CCDC83: variants seen among roughly 807,000 people sequenced by gnomAD.
CCDC83 encodes the protein coiled-coil domain containing 83, also known as coiled-coil domain-containing protein 83.
CCDC83 carries 54 observed loss-of-function variants against 50.1 expected under a neutral mutation model. The ratio of observed to expected loss-of-function variants is 1.08; its 90% CI spans 0.87 to 1.35. The LOEUF (loss-of-function observed/expected upper bound fraction) is 1.35. CCDC83 is among the 40% of genes most tolerant of loss of function. The pLI, the probability that CCDC83 is intolerant of heterozygous loss-of-function variation, is 0.00. For missense variants in CCDC83, 518 were observed against 473.9 expected, an observed-to-expected ratio of 1.09 and a Z score of -0.86; for synonymous variants, 161 against 153.3, an observed-to-expected ratio of 1.05 and a Z score of -0.37.
At chr11:85,909,646 G>A (rs1206956833) in intron 7 of CCDC83, among the ~76,000 whole-genome samples, 5 of 79,076 alleles carry the variant, frequency 6.3e-5, no homozygotes, top group Non-Finnish European at 1.0e-4. Context: ...TTTTTGAGAC[G>A]GAGTCTCGCT....
chr11:85,862,659 T>A (rs11234451), intron 1 of CCDC83, among the ~76,000 whole-genome samples: 39,643 of 152,062 alleles, frequency 0.26, 5,455 homozygotes, highest in African/African-American at 0.28. Flanking sequence ...AGATAATTGC[T>A]TTTACTTTGT....
At chr11:85,885,937 G>A (rs1256512328) in intron 4 of CCDC83, among the ~76,000 whole-genome samples, 1 of 152,140 alleles carries the variant, frequency 6.6e-6, no homozygotes, top group African/African-American at 2.4e-5. Flanking sequence ...CTAGGCATAT[G>A]GGTTGTCTAT....
rs1003507195 is a variant in CCDC83 at position 85,886,324 on chromosome 11, A to G, written c.468A>G (p.Gln156=). The G allele has an allele frequency of 4.3e-6, 7 of 1,609,698 alleles. No individual in the cohort carries two copies. Among genetic ancestry groups the G allele is most frequent in the Middle Eastern group, 3.3e-4 (2 of 6,040 alleles). ...ERHAKLITSL[Q]NDINTVKENA... ...ATGCTAAACTCATTACCTCCTTACA[A>G]AATGACATCAACACAGTTAAAGAGA... Residue 156 remains glutamine (Q), a synonymous_variant, in exon 5 of 11, where the codon CAA becomes CAG. Transcript: ENST00000342404.
intron 10 of CCDC83, 120 bp from the exon 11 acceptor site, chr11:85,919,229 A>G: frequency 1.1e-6 from 1 of 875,012 alleles, no homozygotes; most frequent in Non-Finnish European, 1.8e-6. Context: ...AGCATCAGGC[A>G]ATTAGGGGGC....
At chr11:85,887,674 AT>A (rs1210013492) in intron 5 of CCDC83, among the ~76,000 whole-genome samples, 2 of 151,970 alleles carry the variant, frequency 1.3e-5, no homozygotes, top group Non-Finnish European at 1.5e-5. Context: ...ATATATATAT[AT>A]ATCACAAATA....
intron 3 of CCDC83, 50 bp downstream of exon 3, chr11:85,873,345 ATGC>A (rs1315330848): frequency 3.5e-5 from 24 of 694,900 alleles, no homozygotes; most frequent in Admixed American, 9.5e-5. Flanking sequence ...ATTTACACTC[ATGC>A]TTTAAAAAAT....
At chr11:85,900,143 C>T (rs1185019588) in intron 7 of CCDC83, among the ~76,000 whole-genome samples, 1 of 152,148 alleles carries the variant, frequency 6.6e-6, no homozygotes, top group Non-Finnish European at 1.5e-5. Flanking sequence ...TGCTCAGAGT[C>T]TGTGTGTGCT....
At position 85,911,378 on chromosome 11, in the gene CCDC83, G is replaced by A; in HGVS notation, c.770G>A (p.Arg257Lys). The A allele has an allele frequency of 6.2e-7, 1 of 1,608,740 alleles. No individual in the cohort carries two copies. ...LVLIDQLSNC[R>K]LVDLKIPRRL... ...CTTATTGATCAACTATCCAACTGTA[G>A]ACTTGTGGATCTCAAGATACCCAGG... The change falls in exon 8 of 11, where the codon AGA becomes AAA. Residue 257 changes from arginine (R) to lysine (K), a missense_variant. Transcript: ENST00000342404.
intron 1 of CCDC83, among the ~76,000 whole-genome samples, chr11:85,855,992 T>C (rs1285992155): frequency 6.6e-6 from 1 of 152,136 alleles, no homozygotes; most frequent in Admixed American, 6.5e-5. Context: ...ATTCATAGAT[T>C]GGTTTCAACT....
At chr11:85,908,589 A>C (rs892649839) in intron 7 of CCDC83, among the ~76,000 whole-genome samples, 1 of 150,318 alleles carries the variant, frequency 6.7e-6, no homozygotes, top group Non-Finnish European at 1.5e-5. Context: ...ATAGATAGAT[A>C]GATAGATAGA....
At chr11:85,918,441 A>C (rs2093492740) in intron 10 of CCDC83, among the ~76,000 whole-genome samples, 1 of 152,212 alleles carries the variant, frequency 6.6e-6, no homozygotes. Context: ...AAAGGAATTA[A>C]AAAGCAAGAG....
At chr11:85,878,423 G>A (rs1204402555) in intron 3 of CCDC83, among the ~76,000 whole-genome samples, 3 of 152,154 alleles carry the variant, frequency 2.0e-5, no homozygotes, top group Non-Finnish European at 1.5e-5. Context: ...TATACAAATG[G>A]AATCATACAA....
At chr11:85,881,214 C>CA (rs1054002366) in intron 3 of CCDC83, among the ~76,000 whole-genome samples, 9 of 150,588 alleles carry the variant, frequency 6.0e-5, no homozygotes, top group African/African-American at 2.0e-4. Flanking sequence ...ACTAAAAATA[C>CA]AAAAAAAAAT....
chr11:85,908,711 C>T (rs948004156), intron 7 of CCDC83, among the ~76,000 whole-genome samples: 2 of 151,278 alleles, frequency 1.3e-5, no homozygotes, highest in Non-Finnish European at 2.9e-5. Flanking sequence ...TGAGACCAAC[C>T]TGACCAACAT....
chr11:85,897,394 G>A (rs956881943), intron 6 of CCDC83, among the ~76,000 whole-genome samples: 6 of 152,048 alleles, frequency 3.9e-5, no homozygotes, highest in African/African-American at 4.8e-5. Context: ...ACATAATGTC[G>A]AACACTCACA....
At position 85,918,824 on chromosome 11, in the gene CCDC83, G is replaced by A. The variant is rs140961933; in HGVS notation, c.1081-525G>A. ...GAGAAAAGGAGCAGGTAGGGGAACAGTCAATTATGTATTCACCTCGCACTT... is the reference window on the plus strand; with the variant it reads ...GAGAAAAGGAGCAGGTAGGGGAACAATCAATTATGTATTCACCTCGCACTT... On this transcript the variant is annotated intron_variant, in intron 10 of 10. Coordinates refer to ENST00000342404, the MANE Select transcript of CCDC83 (RefSeq NM_001286159.2). Among the ~76,000 whole-genome samples, 831 of 152,316 alleles carry A rather than the reference G, an allele frequency of 5.5e-3. 1 individual carries two copies. The highest frequency in any genetic ancestry group is 0.014 in the Middle Eastern group (4 of 294).
intron 5 of CCDC83, among the ~76,000 whole-genome samples, chr11:85,894,555 T>A (rs924371690): frequency 2.0e-5 from 3 of 152,186 alleles, no homozygotes; most frequent in Non-Finnish European, 4.4e-5. Context: ...GATCTAAAAT[T>A]GAGAATTTTA....
chr11:85,902,377 T>C (rs919977451), intron 7 of CCDC83, among the ~76,000 whole-genome samples: 7 of 152,128 alleles, frequency 4.6e-5, no homozygotes, highest in Non-Finnish European at 8.8e-5. Context: ...TACTTAACCA[T>C]GTATGTCAGC....
At chr11:85,914,061 T>C (rs566425367) in intron 8 of CCDC83, among the ~76,000 whole-genome samples, 2 of 152,342 alleles carry the variant, frequency 1.3e-5, no homozygotes, top group South Asian at 2.1e-4. Flanking sequence ...AGACCACAGC[T>C]ACATGTGAAA....
Sources: allele counts gnomAD v4.1 joint callset (sites outside exome capture counted in the v4.1 genomes callset), GRCh38; gene constraint gnomAD v4.1.1; transcripts MANE v1.5; gene names NCBI Gene and HGNC (gene_info 2026-07-23, HGNC 2026-07-21).